PCDH11X: variants seen among roughly 807,000 people sequenced by gnomAD.
PCDH11X encodes protocadherin-11 X-linked.
In PCDH11X, 18 loss-of-function variants were observed where a neutral mutation model predicts 53.3. That is an observed-to-expected ratio of 0.34 (90% CI 0.23 to 0.50). The LOEUF (loss-of-function observed/expected upper bound fraction) is 0.50, where lower values mean the gene tolerates loss of function less well. Ranked by LOEUF, PCDH11X falls within the 20% of genes least tolerant of loss-of-function variation. The pLI is 0.98. For missense variants in PCDH11X, 570 were observed against 1,032.4 expected (o/e 0.55, Z 6.14); for synonymous variants, 279 against 393.3 (o/e 0.71, Z 3.44).
chrX:92,034,274 T>C (rs2063094918), intron 6 of PCDH11X, among the ~76,000 whole-genome samples: 1 of 111,589 alleles, frequency 9.0e-6, no homozygotes, highest in African/African-American at 3.3e-5. Flanking sequence ...ATTTGCTCTA[T>C]AGGGCAGATT....
At chrX:92,285,575 A>G (rs1569454845) in intron 8 of PCDH11X, among the ~76,000 whole-genome samples, 1 of 111,620 alleles carries the variant, frequency 9.0e-6, no homozygotes, top group African/African-American at 3.3e-5. Context: ...TTATAAAAGT[A>G]GTAAGTCAAT....
At chrX:91,974,448 T>G (rs540489749) in intron 6 of PCDH11X, among the ~76,000 whole-genome samples, 70 of 111,739 alleles carry the variant, frequency 6.3e-4, no homozygotes, top group Non-Finnish European at 1.2e-3. Context: ...AGCCCACATT[T>G]AATGTGGTAA....
At chrX:91,823,181 C>G (rs1936763761) in intron 4 of PCDH11X, among the ~76,000 whole-genome samples, 1 of 110,473 alleles carries the variant, frequency 9.1e-6, no homozygotes, top group African/African-American at 3.3e-5. Context: ...CTGTAGATGT[C>G]TATTAGGTCC....
chrX:91,816,722 G>A (rs762446678), intron 4 of PCDH11X, among the ~76,000 whole-genome samples: 1 of 111,168 alleles, frequency 9.0e-6, no homozygotes, highest in African/African-American at 3.3e-5. Flanking sequence ...GTGGACTGAG[G>A]GACATTGGAG....
intron 7 of PCDH11X, among the ~76,000 whole-genome samples, chrX:92,219,361 A>C (rs971424335): frequency 9.0e-6 from 1 of 111,316 alleles, no homozygotes; most frequent in Non-Finnish European, 1.9e-5. Context: ...TCAGGATACA[A>C]AATCAATGTA....
intron 6 of PCDH11X, among the ~76,000 whole-genome samples, chrX:91,963,829 C>T (rs780195411): frequency 1.5e-4 from 17 of 110,399 alleles, no homozygotes; most frequent in East Asian, 2.9e-4. Flanking sequence ...GAAGTAGAAG[C>T]GAACATGTCC....
chrX:92,107,873 C>G (rs1270994433), intron 6 of PCDH11X, among the ~76,000 whole-genome samples: 2 of 112,010 alleles, frequency 1.8e-5, no homozygotes, highest in African/African-American at 6.5e-5. Context: ...AAATACTTTA[C>G]AGAATTTGAC....
intron 7 of PCDH11X, among the ~76,000 whole-genome samples, chrX:92,221,286 C>T (rs886628334): frequency 0.19 from 3,798 of 19,518 alleles, 157 homozygotes; most frequent in East Asian, 0.26. Context: ...ACAACACACA[C>T]ACACACACAC....
At chrX:91,896,087 G>T (rs1250395206) in intron 6 of PCDH11X, among the ~76,000 whole-genome samples, 2 of 106,827 alleles carry the variant, frequency 1.9e-5, no homozygotes, top group African/African-American at 6.8e-5. Context: ...ACAAATTTTT[G>T]TTTTGGTCTT....
chrX:92,452,314 A>C (rs1278493415), intron 9 of PCDH11X, among the ~76,000 whole-genome samples: 2 of 100,070 alleles, frequency 2.0e-5, no homozygotes, highest in Admixed American at 2.2e-4. Context: ...TTCTATAAGA[A>C]TGAAAATAAT....
intron 9 of PCDH11X, chrX:92,460,675 C>T (rs937404137): frequency 3.2e-6 from 3 of 939,192 alleles, no homozygotes; most frequent in Admixed American, 5.2e-5. Flanking sequence ...TGCAGCTCAT[C>T]GGGATCCTGC....
chrX:92,529,189 T>C (rs1395824668), intron 10 of PCDH11X, among the ~76,000 whole-genome samples: 3 of 112,051 alleles, frequency 2.7e-5, no homozygotes, highest in Non-Finnish European at 5.6e-5. Context: ...GTGAGCAATC[T>C]GTGTTGATGT....
intron 8 of PCDH11X, among the ~76,000 whole-genome samples, chrX:92,341,247 C>G (rs1453554462): frequency 1.8e-5 from 2 of 111,560 alleles, no homozygotes; most frequent in African/African-American, 6.5e-5. Flanking sequence ...ACTATTTAAC[C>G]AGTCTCTAAG....
At chrX:92,401,453 A>T (rs2071386098) in intron 9 of PCDH11X, among the ~76,000 whole-genome samples, 1 of 110,836 alleles carries the variant, frequency 9.0e-6, no homozygotes, top group Admixed American at 9.7e-5. Flanking sequence ...ACTTCATCAC[A>T]AGAGTGTTTC....
chrX:91,882,572 A>C (rs1229447982), intron 6 of PCDH11X, among the ~76,000 whole-genome samples: 1 of 110,153 alleles, frequency 9.1e-6, no homozygotes, highest in East Asian at 2.8e-4. Flanking sequence ...TTTCCAAAAA[A>C]CAAACAAACA....
At chrX:92,216,225 G>A (rs931867198) in intron 7 of PCDH11X, among the ~76,000 whole-genome samples, 7 of 110,590 alleles carry the variant, frequency 6.3e-5, no homozygotes, top group Non-Finnish European at 1.1e-4. Context: ...GACGAGCTGA[G>A]AGAAGGCTTC....
rs58212809 is a variant in PCDH11X, at chrX:92,208,508, AATAT to A, written c.3114+7079_3114+7082del. Among the ~76,000 whole-genome samples, 237 of 30,677 alleles carry A rather than the reference AATAT, an allele frequency of 7.7e-3. 17 individuals carry two copies. Among genetic ancestry groups the A allele is most frequent in the African/African-American group, 0.01 (63 of 6,063 alleles). 26.6% of individuals were successfully genotyped at this position (30,677 alleles called of 115,157 possible). ...ACAACCGAAGGTGGTCCCTGAAACTAATATATATATATATATATATATATATATA... is the reference window on the plus strand; with the variant it reads ...ACAACCGAAGGTGGTCCCTGAAACTAATATATATATATATATATATATATA... On this transcript the variant is annotated intron_variant, in intron 7 of 10. Coordinates refer to ENST00000682573, the MANE Select transcript of PCDH11X (RefSeq NM_032968.5).
chrX:92,053,994 G>A (rs5984859), intron 6 of PCDH11X, among the ~76,000 whole-genome samples: 18,794 of 111,055 alleles, frequency 0.17, 1,387 homozygotes, highest in East Asian at 0.42. Flanking sequence ...TGAAGGCTAA[G>A]AAATAATAAT....
At chrX:92,161,463 T>C (rs1447413120) in intron 6 of PCDH11X, among the ~76,000 whole-genome samples, 1 of 111,209 alleles carries the variant, frequency 9.0e-6, no homozygotes, top group Non-Finnish European at 1.9e-5. Context: ...TTCCTTCACC[T>C]TGACTTTTGA....
Sources: gnomAD v4.1 joint callset for allele counts (sites outside exome capture counted in the v4.1 genomes callset) on GRCh38, gnomAD v4.1.1 for gene constraint, MANE v1.5 for transcripts, NCBI Gene and HGNC (gene_info 2026-07-23, HGNC 2026-07-21) for gene names.